MACROD2: variants seen among roughly 807,000 people sequenced by gnomAD.
The protein encoded by MACROD2 is mono-ADP ribosylhydrolase 2.
A neutral mutation model predicts 70.4 loss-of-function variants in MACROD2; 36 were observed. The observed-to-expected ratio is 0.51, with a 90% CI of 0.39 to 0.68. MACROD2 has a LOEUF of 0.68. Ranked by LOEUF, MACROD2 falls within the 30% of genes least tolerant of loss-of-function variation. MACROD2 has a pLI of 0.00. For synonymous variants in MACROD2, 172 were observed against 178.8 expected (o/e 0.96, Z 0.30); for missense variants, 496 against 538.4 (o/e 0.92, Z 0.78).
chr20:15,041,116 G>T (rs1005003606), intron 5 of MACROD2, among the ~76,000 whole-genome samples: 1 of 152,138 alleles, frequency 6.6e-6, no homozygotes, highest in Non-Finnish European at 1.5e-5. Flanking sequence ...TCCATGAATT[G>T]TGCAGTTATG....
At chr20:14,653,492 G>A (rs983875620) in intron 4 of MACROD2, among the ~76,000 whole-genome samples, 3 of 149,000 alleles carry the variant, frequency 2.0e-5, no homozygotes, top group South Asian at 2.1e-4. Flanking sequence ...TGCTGGGACT[G>A]CAGGCGTGAG....
intron 8 of MACROD2, among the ~76,000 whole-genome samples, chr20:15,529,477 A>C (rs2047767222): frequency 1.3e-5 from 2 of 152,128 alleles, no homozygotes; most frequent in South Asian, 4.1e-4. Flanking sequence ...AATTACTATT[A>C]AATTAAACGT....
intron 5 of MACROD2, among the ~76,000 whole-genome samples, chr20:14,816,378 A>G (rs1008666237): frequency 5.9e-5 from 9 of 152,030 alleles, no homozygotes; most frequent in Non-Finnish European, 1.3e-4. Flanking sequence ...TTTAAGGATA[A>G]ATTAGTGTAG....
intron 6 of MACROD2, among the ~76,000 whole-genome samples, chr20:15,417,598 CAA>C (rs71340225): frequency 8.1e-3 from 559 of 69,306 alleles, no homozygotes; most frequent in African/African-American, 0.027. Flanking sequence ...AACCCTGTCT[CAA>C]AAAAAAAAAA....
intron 4 of MACROD2, among the ~76,000 whole-genome samples, chr20:14,669,663 A>G (rs1183924069): frequency 1.3e-5 from 2 of 152,094 alleles, no homozygotes; most frequent in African/African-American, 4.8e-5. Context: ...ATTGACCTAC[A>G]TCATCCCTAG....
chr20:14,380,182 G>T (rs2083408212), intron 3 of MACROD2, among the ~76,000 whole-genome samples: 2 of 151,874 alleles, frequency 1.3e-5, no homozygotes, highest in African/African-American at 4.8e-5. Context: ...GGTTTTGATT[G>T]GTATTTCCCA....
chr20:15,750,332 AAAAATACTTTTT>A (rs1600840310), intron 8 of MACROD2, among the ~76,000 whole-genome samples: 1 of 152,076 alleles, frequency 6.6e-6, no homozygotes, highest in African/African-American at 2.4e-5. Flanking sequence ...GGCTATAATT[AAAAATACTTTTT>A]AAAACCCACA....
At chr20:14,622,115 AT>A (rs1185374731) in intron 4 of MACROD2, among the ~76,000 whole-genome samples, 1 of 152,142 alleles carries the variant, frequency 6.6e-6, no homozygotes, top group Admixed American at 6.6e-5. Context: ...CATTTTAATC[AT>A]TTTTAATGTA....
At chr20:14,047,030 ATATAGAG>A (rs1187401044) in intron 2 of MACROD2, among the ~76,000 whole-genome samples, 3 of 152,184 alleles carry the variant, frequency 2.0e-5, no homozygotes. Context: ...ACCCTTACAA[ATATAGAG>A]TATAGAAAAC....
At chr20:15,994,432 G>T (rs189225841) in intron 15 of MACROD2, among the ~76,000 whole-genome samples, 3 of 152,066 alleles carry the variant, frequency 2.0e-5, no homozygotes, top group African/African-American at 7.2e-5. Flanking sequence ...GATGTAGAAC[G>T]TTTTCATATA....
At chr20:14,594,894 AAAAC>A (rs1030699966) in intron 4 of MACROD2, among the ~76,000 whole-genome samples, 10 of 152,334 alleles carry the variant, frequency 6.6e-5, no homozygotes, top group Middle Eastern at 3.4e-3. Flanking sequence ...TCCATCTCAA[AAAAC>A]AAACAAACAA....
At chr20:15,231,072 G>A (rs950994251) in intron 6 of MACROD2, among the ~76,000 whole-genome samples, 1 of 152,070 alleles carries the variant, frequency 6.6e-6, no homozygotes. Flanking sequence ...CTGGATGGTT[G>A]TTATGCTTTT....
At chr20:14,494,408 G>C (rs559101387) in intron 4 of MACROD2, among the ~76,000 whole-genome samples, 2 of 152,132 alleles carry the variant, frequency 1.3e-5, no homozygotes, top group South Asian at 4.1e-4. Context: ...TTGTTTCTCT[G>C]TAAGAACAGT....
At position 14,523,264 on chromosome 20, in the gene MACROD2, A is replaced by G. The variant is rs534239207; in HGVS notation, c.301+29756A>G. ...CTTTCTCCTCCAATCACCAGCAGAC[A>G]GAGGGGCCCTGGTGTACTGCTGTGT... On this transcript the variant is annotated intron_variant, in intron 4 of 17. Coordinates refer to ENST00000684519, the MANE Select transcript of MACROD2 (RefSeq NM_001351661.2). 4 of 152,356 alleles carry G rather than the reference A, an allele frequency of 2.6e-5. No individual in the cohort carries two copies. In the East Asian group the frequency reaches 7.7e-4, roughly 29 times the overall value. The allele number at this position is 152,356 out of a possible 1,614,324, so 9.4% of individuals were successfully genotyped here. A position where few individuals can be genotyped will look rare whatever the true frequency, so the allele number is the denominator to read the frequency against.
At chr20:14,954,971 A>G (rs1170847412) in intron 5 of MACROD2, among the ~76,000 whole-genome samples, 1 of 6,318 alleles carries the variant, frequency 1.6e-4, no homozygotes, top group African/African-American at 5.4e-4. Flanking sequence ...TTTATATTTT[A>G]TATAATTAAA....
At chr20:15,429,249 T>G (rs2046336296) in intron 6 of MACROD2, among the ~76,000 whole-genome samples, 1 of 152,192 alleles carries the variant, frequency 6.6e-6, no homozygotes, top group Non-Finnish European at 1.5e-5. Context: ...ATGATCTGTA[T>G]CACTGAATGA....
chr20:15,562,348 A>G (rs1430241602), intron 8 of MACROD2, among the ~76,000 whole-genome samples: 1 of 152,190 alleles, frequency 6.6e-6, no homozygotes, highest in Non-Finnish European at 1.5e-5. Flanking sequence ...CCATGTGTGA[A>G]TACAAAGTTA....
chr20:14,641,345 C>G (rs568219137), intron 4 of MACROD2, among the ~76,000 whole-genome samples: 1 of 152,272 alleles, frequency 6.6e-6, no homozygotes, highest in South Asian at 2.1e-4. Context: ...TTGAAGCTGT[C>G]AAAGTCATCT....
intron 5 of MACROD2, among the ~76,000 whole-genome samples, chr20:14,909,253 C>A (rs1336811329): frequency 2.6e-5 from 4 of 152,002 alleles, no homozygotes. Context: ...AATGATCAAG[C>A]CACTGGCAGA....
Sources: gnomAD v4.1 joint callset for allele counts (sites outside exome capture counted in the v4.1 genomes callset) on GRCh38, gnomAD v4.1.1 for gene constraint, MANE v1.5 for transcripts, NCBI Gene and HGNC (gene_info 2026-07-23, HGNC 2026-07-21) for gene names.